RAB4B: variants seen among roughly 807,000 people sequenced by gnomAD.
RAB4B encodes RAB4B, member RAS oncogene family.
Under a neutral mutation model 28.3 loss-of-function variants are expected in RAB4B, and 15 were observed. That is an observed-to-expected ratio of 0.53 (90% CI 0.35 to 0.82). The LOEUF (loss-of-function observed/expected upper bound fraction) is 0.82, where lower values mean the gene tolerates loss of function less well. RAB4B is among the 40% of genes least tolerant of loss of function. RAB4B has a pLI of 0.01. For synonymous variants in RAB4B, 108 were observed against 116.3 expected (o/e 0.93, Z 0.46); for missense variants, 244 against 288.5 (o/e 0.85, Z 1.12).
chr19:40,789,482 G>A (rs62108988), intron 7 of RAB4B, among the ~76,000 whole-genome samples: 1,956 of 151,266 alleles, frequency 0.013, 23 homozygotes, highest in South Asian at 0.036. Flanking sequence ...GATTACAGGC[G>A]GGAGCCACCA....
chr19:40,785,389 T>C (rs2145047954), intron 5 of RAB4B: 1 of 148,124 alleles, frequency 6.8e-6, no homozygotes, highest in African/African-American at 2.5e-5. Flanking sequence ...TATGTGCCTG[T>C]GGTCTGGGGT....
At chr19:40,786,503 G>A in intron 5 of RAB4B, 162 bp from the exon 6 acceptor site, 2 of 1,066,146 alleles carry the variant, frequency 1.9e-6, no homozygotes, top group East Asian at 2.8e-5. Flanking sequence ...GGGCATATCG[G>A]GAAGCGGACA....
In RAB4B at chr19:40,786,854, T is replaced by C; in HGVS notation, c.533T>C (p.Leu178Pro). The change falls in exon 7 of 8, where the codon CTA becomes CCA. Residue 178 changes from leucine (L) to proline (P), a missense_variant. By Grantham distance (98) the Leu-to-Pro change is moderately conservative (BLOSUM62 -3). Coordinates refer to ENST00000357052, the MANE Select transcript of RAB4B (RefSeq NM_016154.5). ...CCTCTCCCCTTCCCCACAGGCGAGC[T>C]AGACCCGGAGAGGATGGGCTCTGGC... ...TILNKIDSGE[L>P]DPERMGSGIQ... The C allele has an allele frequency of 1.2e-6, 2 of 1,614,090 alleles. No individual in the cohort carries two copies. The highest frequency in any genetic ancestry group is 2.2e-5 in the South Asian group (2 of 91,086).
At chr19:40,789,333 G>A (rs1269378618) in intron 7 of RAB4B, among the ~76,000 whole-genome samples, 1 of 151,930 alleles carries the variant, frequency 6.6e-6, no homozygotes, top group African/African-American at 2.4e-5. Flanking sequence ...CTCCTGAGTA[G>A]CTGGGATTAC....
Position 40,786,906 on chromosome 19 carries a change from C to T in RAB4B, c.585C>T (p.Arg195=). 6.2e-7 allele frequency: 1 copy of T among 1,614,082 alleles called. No homozygotes were observed. Among genetic ancestry groups the T allele is most frequent in the Non-Finnish European group, 8.5e-7 (1 of 1,179,968 alleles). ...SGIQYGDASL[R]QLRQPRSAQA... ...TTCAGTACGGGGATGCGTCCCTCCGCCAGCTTCGGCAGCCTCGGAGTGCCC... is the reference window on the plus strand; with the variant it reads ...TTCAGTACGGGGATGCGTCCCTCCGTCAGCTTCGGCAGCCTCGGAGTGCCC... The change falls in exon 7 of 8, where the codon CGC becomes CGT. Residue 195 remains arginine, a synonymous_variant. Transcript: ENST00000357052.
intron 2 of RAB4B, 36 bp downstream of exon 2, chr19:40,780,135 T>A: frequency 1.2e-6 from 2 of 1,610,820 alleles, no homozygotes. Flanking sequence ...AACCCTGAGC[T>A]GTGTTTATGC....
rs1200743247 is a variant in RAB4B at position 40,783,812 on chromosome 19, G to A, written c.247G>A (p.Gly83Arg). The A allele has an allele frequency of 6.3e-7, 1 of 1,578,556 alleles. No homozygotes were observed. Among genetic ancestry groups the A allele is most frequent in the Non-Finnish European group, 8.6e-7 (1 of 1,159,276 alleles). Residue 83 changes from glycine (G) to arginine (R), a missense_variant, in exon 4 of 8, where the codon GGA (glycine) becomes AGA (arginine). Coordinates refer to ENST00000357052, the MANE Select transcript of RAB4B (RefSeq NM_016154.5). ...VTRSYYRGAA[G>R]ALLVYDITSR... ...GCGGAGTTATTACCGAGGGGCGGCT[G>A]GAGCCCTGCTGGTGTACGACATCAC...
At position 40,780,704 on chromosome 19, in the gene RAB4B, G is replaced by A. The variant is rs115330793; in HGVS notation, c.212+205G>A. 4.3e-3 allele frequency among the ~76,000 whole-genome samples: 648 copies of A among 152,058 alleles called. 10 individuals carry two copies. The highest frequency in any genetic ancestry group is 0.015 in the African/African-American group (630 of 41,460). On this transcript the variant is annotated intron_variant, in intron 3 of 7. Coordinates refer to ENST00000357052, the MANE Select transcript of RAB4B (RefSeq NM_016154.5). ...AGATGGTGGAAGAAAAAGAGGTAGG[G>A]GCCAGGCGCAATGGCTCATGCCGGT... is the stretch of plus-strand genomic sequence containing the variant.
intron 7 of RAB4B, among the ~76,000 whole-genome samples, chr19:40,795,692 G>C (rs2083203458): frequency 6.6e-6 from 1 of 150,422 alleles, no homozygotes; most frequent in Non-Finnish European, 1.5e-5. Context: ...ACCGTGCCTG[G>C]CCGATTTATT....
chr19:40,781,112 TA>T (rs941942424), intron 3 of RAB4B, among the ~76,000 whole-genome samples: 2,474 of 76,672 alleles, frequency 0.032, 34 homozygotes, highest in African/African-American at 0.062. Context: ...GTGTCTCTAC[TA>T]AAAAAAAAAA....
At position 40,786,978 on chromosome 19, in the gene RAB4B, G is replaced by C; in HGVS notation, c.*15G>C. On this transcript the variant is annotated splice_region_variant and 3_prime_UTR_variant, in exon 7 of 8. Transcript: ENST00000357052. ...GTGGCTGCTGAGCTCTGTGGAGCCA[G>C]GTGGGACACTGGGGGCTTTAGGGAG... is the stretch of plus-strand genomic sequence containing the variant. The C allele has an allele frequency of 6.2e-7, 1 of 1,612,168 alleles. No homozygotes were observed. The highest frequency in any genetic ancestry group is 1.1e-5 in the South Asian group (1 of 90,984).
intron 3 of RAB4B, among the ~76,000 whole-genome samples, chr19:40,782,020 C>CAA (rs56884543): frequency 0.14 from 15,553 of 108,392 alleles, 1,166 homozygotes; most frequent in Middle Eastern, 0.19. Context: ...GGCTCCGTTT[C>CAA]AAAAAAAAAA....
intron 3 of RAB4B, among the ~76,000 whole-genome samples, chr19:40,782,874 C>T (rs975782361): frequency 7.3e-5 from 11 of 151,660 alleles, no homozygotes; most frequent in Non-Finnish European, 1.6e-4. Flanking sequence ...CACAGTGGCT[C>T]ACGCCTGTAA....
chr19:40,781,668 C>G (rs142449117), intron 3 of RAB4B, among the ~76,000 whole-genome samples: 2,653 of 152,002 alleles, frequency 0.017, 35 homozygotes, highest in Non-Finnish European at 0.025. Flanking sequence ...GCGTAGGGCT[C>G]AACACACTGT....
At chr19:40,793,112 TTA>T (rs2083174099) in intron 7 of RAB4B, among the ~76,000 whole-genome samples, 3 of 152,110 alleles carry the variant, frequency 2.0e-5, no homozygotes, top group Admixed American at 2.0e-4. Context: ...GGTGCCATGC[TTA>T]TACTGCTTTG....
chr19:40,792,187 T>G (rs1285982697), intron 7 of RAB4B: 2 of 152,262 alleles, frequency 1.3e-5, no homozygotes, highest in African/African-American at 4.8e-5. Context: ...AAGGATGATG[T>G]CTTCAGACAG....
intron 3 of RAB4B, among the ~76,000 whole-genome samples, chr19:40,783,316 C>A (rs2083068209): frequency 6.6e-6 from 1 of 151,870 alleles, no homozygotes; most frequent in African/African-American, 2.4e-5. Flanking sequence ...CACTTGTAGT[C>A]CCAGACACTA....
intron 7 of RAB4B, among the ~76,000 whole-genome samples, chr19:40,791,546 A>C (rs2083159849): frequency 6.6e-6 from 1 of 151,860 alleles, no homozygotes; most frequent in Non-Finnish European, 1.5e-5. Flanking sequence ...GCCCTTGCTC[A>C]TGCTGGGCCT....
chr19:40,782,097 C>T (rs1159423179), intron 3 of RAB4B, among the ~76,000 whole-genome samples: 5 of 150,260 alleles, frequency 3.3e-5, no homozygotes, highest in African/African-American at 7.4e-5. Flanking sequence ...ATTCAGTCCA[C>T]GGAAAAGTGT....
Sources: allele counts gnomAD v4.1 joint callset (sites outside exome capture counted in the v4.1 genomes callset), GRCh38; gene constraint gnomAD v4.1.1; transcripts MANE v1.5; gene names NCBI Gene and HGNC (gene_info 2026-07-23, HGNC 2026-07-21).